Variants in ANO2 observed in about 807,000 individuals in gnomAD.
The protein encoded by ANO2 is anoctamin-2.
ANO2 carries 101 observed loss-of-function variants against 124.2 expected under a neutral mutation model. The observed-to-expected ratio is 0.81, with a 90% CI of 0.69 to 0.96. The LOEUF is 0.96. Ranked by LOEUF, ANO2 falls within the 40% of genes least tolerant of loss-of-function variation. The pLI is 0.00. For synonymous variants in ANO2, 486 were observed against 482.5 expected, an observed-to-expected ratio of 1.01 and a Z score of -0.09; for missense variants, 1,293 against 1,274.5, an observed-to-expected ratio of 1.01 and a Z score of -0.22.
At chr12:5,593,284 G>C (rs1296388479) in intron 20 of ANO2, among the ~76,000 whole-genome samples, 1 of 152,188 alleles carries the variant, frequency 6.6e-6, no homozygotes, top group African/African-American at 2.4e-5. Flanking sequence ...AAGGCTGTAA[G>C]GGAGATAATT....
At chr12:5,888,006 T>C (rs1001067524) in intron 3 of ANO2, among the ~76,000 whole-genome samples, 2 of 152,138 alleles carry the variant, frequency 1.3e-5, no homozygotes, top group African/African-American at 2.4e-5. Context: ...GTGTCCGCAA[T>C]TGGTGGGTTC....
chr12:5,567,213 T>A (rs1374522979), intron 23 of ANO2, among the ~76,000 whole-genome samples: 2 of 152,050 alleles, frequency 1.3e-5, no homozygotes, highest in African/African-American at 4.8e-5. Context: ...TGGTTTGACA[T>A]CCGGATGAAA....
intron 14 of ANO2, among the ~76,000 whole-genome samples, chr12:5,697,983 A>G (rs1224460700): frequency 6.6e-6 from 1 of 152,228 alleles, no homozygotes; most frequent in Non-Finnish European, 1.5e-5. Flanking sequence ...GGAGCTCACC[A>G]CAGCTCAAGG....
At chr12:5,606,210 A>T (rs1944213611) in intron 19 of ANO2, among the ~76,000 whole-genome samples, 1 of 152,208 alleles carries the variant, frequency 6.6e-6, no homozygotes, top group Admixed American at 6.5e-5. Context: ...GGCACCTTCC[A>T]GAAGTAGAGG....
chr12:5,696,603 G>C (rs1949190639), intron 14 of ANO2, among the ~76,000 whole-genome samples: 1 of 152,020 alleles, frequency 6.6e-6, no homozygotes, highest in African/African-American at 2.4e-5. Context: ...GAAAAAGAAG[G>C]AGCACTCCAA....
chr12:5,923,073 T>C (rs535296449), intron 1 of ANO2, among the ~76,000 whole-genome samples: 19 of 30,988 alleles, frequency 6.1e-4, no homozygotes, highest in Admixed American at 1.6e-3. Context: ...CACACACACA[T>C]GCACACATAC....
chr12:5,898,279 T>C (rs1939934112), intron 3 of ANO2, among the ~76,000 whole-genome samples: 1 of 152,146 alleles, frequency 6.6e-6, no homozygotes, highest in Non-Finnish European at 1.5e-5. Flanking sequence ...ACTGGAACTC[T>C]CCTACACTAC....
intron 10 of ANO2, among the ~76,000 whole-genome samples, chr12:5,764,245 T>C (rs1442451651): frequency 6.6e-6 from 1 of 152,228 alleles, no homozygotes; most frequent in African/African-American, 2.4e-5. Flanking sequence ...ACACAGCTAG[T>C]ACGTGGCAGA....
At position 5,658,821 on chromosome 12, in the gene ANO2, TAAATC is replaced by T. The variant is rs1379965451; in HGVS notation, c.1546-11025_1546-11021del. ...ATATCATCATCATCAACATCATCATTAAATCATCAGCAGCATCAATATTATCCTTG... is the reference window on the plus strand; with the variant it reads ...ATATCATCATCATCAACATCATCATTATCAGCAGCATCAATATTATCCTTG... On this transcript the variant is annotated intron_variant, in intron 14 of 24. Coordinates refer to ENST00000682330, the MANE Select transcript of ANO2 (RefSeq NM_001364791.2). This position sits in a 1 kb window ranked among gnomAD's most constrained non-coding sequence, Gnocchi z 4.3. Among the ~76,000 whole-genome samples, 3 of 152,106 alleles carry T rather than the reference TAAATC, an allele frequency of 2.0e-5. No homozygotes were observed. The highest frequency in any genetic ancestry group is 7.2e-5 in the African/African-American group (3 of 41,494).
At chr12:5,598,164 C>G (rs1943753732) in intron 20 of ANO2, among the ~76,000 whole-genome samples, 1 of 152,100 alleles carries the variant, frequency 6.6e-6, no homozygotes, top group African/African-American at 2.4e-5. Flanking sequence ...GTGAGGTAGC[C>G]TGTGCACAAA....
At chr12:5,696,635 C>T (rs1949192729) in intron 14 of ANO2, among the ~76,000 whole-genome samples, 1 of 152,116 alleles carries the variant, frequency 6.6e-6, no homozygotes, top group Non-Finnish European at 1.5e-5. Context: ...GTGGCTTGTA[C>T]AATCTTGGCC....
At chr12:5,835,370 AAGACACTGAACAGT>A (rs1354791838) in intron 4 of ANO2, among the ~76,000 whole-genome samples, 2 of 152,174 alleles carry the variant, frequency 1.3e-5, no homozygotes, top group Non-Finnish European at 2.9e-5. Context: ...AAGGCAGTGG[AAGACACTGAACAGT>A]GTGAACAGTG....
chr12:5,938,886 A>C lies in ANO2; in HGVS notation c.22+6310T>G, dbSNP rs115150045. Among the ~76,000 whole-genome samples, 747 of 152,064 alleles carry C rather than the reference A, an allele frequency of 4.9e-3. 7 individuals are homozygous for C. The highest frequency in any genetic ancestry group is 0.017 in the African/African-American group (697 of 41,464). ...CTTTTTTCTTGTCCTGAGGTAGGCC[A>C]CAGGAGCACCTGTAACCAAGGCCAA... On this transcript the variant is annotated intron_variant, in intron 1 of 24. Transcript: ENST00000682330.
intron 23 of ANO2, among the ~76,000 whole-genome samples, chr12:5,574,278 G>C (rs1942284588): frequency 6.6e-6 from 1 of 152,104 alleles, no homozygotes; most frequent in Non-Finnish European, 1.5e-5. Flanking sequence ...GCCCTTCTTG[G>C]GTAAATAGTG....
intron 14 of ANO2, among the ~76,000 whole-genome samples, chr12:5,682,904 G>A (rs1948557981): frequency 6.6e-6 from 1 of 152,214 alleles, no homozygotes. Context: ...GAAGCAGACG[G>A]AAGGACAAGA....
chr12:5,810,752 C>T (rs1304117583), intron 7 of ANO2, among the ~76,000 whole-genome samples: 7 of 152,186 alleles, frequency 4.6e-5, no homozygotes. Context: ...TCACCAGGTA[C>T]TTCATGCCTA....
intron 15 of ANO2, among the ~76,000 whole-genome samples, chr12:5,639,436 C>A (rs1312137698): frequency 6.6e-6 from 1 of 152,096 alleles, no homozygotes; most frequent in Non-Finnish European, 1.5e-5. Flanking sequence ...AGTGGATCTT[C>A]TAGTGGGAAA....
chr12:5,751,937 T>G (rs1951453876), intron 10 of ANO2, among the ~76,000 whole-genome samples: 1 of 152,220 alleles, frequency 6.6e-6, no homozygotes, highest in Admixed American at 6.5e-5. Flanking sequence ...TCTATGAGTT[T>G]GACGGTTTTA....
intron 15 of ANO2, among the ~76,000 whole-genome samples, chr12:5,645,427 ATGTGTG>A (rs556265817): frequency 6.8e-6 from 1 of 146,146 alleles, no homozygotes; most frequent in African/African-American, 2.7e-5. Context: ...GTGTGTGTGA[ATGTGTG>A]TGTGTGTGTG....
Sources: allele counts gnomAD v4.1 joint callset (sites outside exome capture counted in the v4.1 genomes callset), GRCh38; gene constraint gnomAD v4.1.1; non-coding constraint Gnocchi (gnomAD v3.1); transcripts MANE v1.5; gene names NCBI Gene and HGNC (gene_info 2026-07-23, HGNC 2026-07-21).